Variants in CD244 observed in about 807,000 individuals in gnomAD.
CD244 encodes the protein natural killer cell receptor 2B4.
Under a neutral mutation model 45.5 loss-of-function variants are expected in CD244, and 20 were observed. The ratio of observed to expected loss-of-function variants is 0.44; its 90% CI spans 0.31 to 0.64. The LOEUF (loss-of-function observed/expected upper bound fraction) is 0.64. Among genes scored for constraint, CD244 ranks in the 30% least tolerant of loss-of-function variants. The pLI is 0.08. For synonymous variants in CD244, 185 were observed against 160.5 expected (o/e 1.15, Z -1.15); for missense variants, 407 against 426.9 (o/e 0.95, Z 0.41).
At chr1:160,846,078 T>C (rs1350944249) in intron 1 of CD244, among the ~76,000 whole-genome samples, 3 of 151,586 alleles carry the variant, frequency 2.0e-5, no homozygotes. Context: ...TTTCCATAGG[T>C]TATTGGGGTA....
intron 1 of CD244, among the ~76,000 whole-genome samples, chr1:160,848,986 A>G (rs1485292355): frequency 1.3e-5 from 2 of 152,198 alleles, no homozygotes; most frequent in African/African-American, 4.8e-5. Context: ...GAAGTTCTGG[A>G]GGCCCAGACT....
chr1:160,841,073 C>T (rs1047312010), intron 3 of CD244, 137 bp downstream of exon 3: 3 of 801,598 alleles, frequency 3.7e-6, no homozygotes, highest in Non-Finnish European at 4.0e-6. Flanking sequence ...GAGGCCAGGG[C>T]TACCCTGGGA....
rs755005955 is a variant in CD244 at position 160,836,211 on chromosome 1, G to T, written c.878C>A (p.Ser293Tyr). The change falls in exon 6 of 9, where the codon TCT (serine) becomes TAT (tyrosine). Residue 293 changes from serine (S) to tyrosine (Y), a missense_variant. Physicochemically the swap from Ser to Tyr is moderately radical, Grantham distance 144. Transcript: ENST00000368034. ...GAGAGGTACCTGGGACTGGATCATA[G>T]AGTAGATGGTGCTCCCCCCTCCAGG... ...TFPGGGSTIY[S>Y]MIQSQSSAPT... 1 of 1,613,786 alleles carries T rather than the reference G, an allele frequency of 6.2e-7. No individual in the cohort carries two copies. The highest frequency in any genetic ancestry group is 2.2e-5 in the East Asian group (1 of 44,882).
chr1:160,859,256 A>C (rs1224549244), intron 1 of CD244, among the ~76,000 whole-genome samples: 1 of 152,184 alleles, frequency 6.6e-6, no homozygotes, highest in Non-Finnish European at 1.5e-5. Flanking sequence ...CAGGACCAGC[A>C]GGCAACATGG....
chr1:160,849,283 C>CTTTTTTTTTTTTTTTTTTTTTTT (rs371170555), intron 1 of CD244, among the ~76,000 whole-genome samples: 3 of 139,326 alleles, frequency 2.2e-5, no homozygotes. Flanking sequence ...CCATCTCTTT[C>CTTTTTTTTTTTTTTTTTTTTTTT]TTTTTTTTTT....
chr1:160,848,012 G>A (rs765409746), intron 1 of CD244: 6 of 279,544 alleles, frequency 2.1e-5, no homozygotes, highest in Non-Finnish European at 4.2e-5. Flanking sequence ...ATCAACCGTA[G>A]TCAACCCCAC....
At chr1:160,852,739 TG>T (rs1257721944) in intron 1 of CD244, among the ~76,000 whole-genome samples, 3 of 151,132 alleles carry the variant, frequency 2.0e-5, no homozygotes, top group African/African-American at 7.3e-5. Context: ...CAAGAAAATC[TG>T]GGCCAGGCAT....
At chr1:160,839,543 T>C (rs746763686) in intron 3 of CD244, among the ~76,000 whole-genome samples, 2 of 152,256 alleles carry the variant, frequency 1.3e-5, no homozygotes, top group Non-Finnish European at 2.9e-5. Context: ...TTCCTTGTCA[T>C]TATTCCCTAA....
intron 1 of CD244, among the ~76,000 whole-genome samples, chr1:160,857,480 T>C (rs1670151971): frequency 6.6e-6 from 1 of 152,200 alleles, no homozygotes; most frequent in African/African-American, 2.4e-5. Flanking sequence ...CTACAAATAA[T>C]AACATACATA....
At chr1:160,835,702 T>C (rs565738325) in intron 6 of CD244, among the ~76,000 whole-genome samples, 2 of 151,648 alleles carry the variant, frequency 1.3e-5, no homozygotes, top group Non-Finnish European at 2.9e-5. Flanking sequence ...CCTATGGAAA[T>C]AAAAAATAAA....
intron 5 of CD244, among the ~76,000 whole-genome samples, chr1:160,837,201 G>A (rs1032668533): frequency 4.6e-5 from 7 of 152,172 alleles, no homozygotes; most frequent in African/African-American, 1.4e-4. Context: ...CTCTTGAGTC[G>A]GAAGAAGTAA....
rs139495222 is a variant in CD244, at chr1:160,844,773, G to A, written c.62-2872C>T. On this transcript the variant is annotated intron_variant, in intron 1 of 8. Coordinates refer to ENST00000368034, the MANE Select transcript of CD244 (RefSeq NM_016382.4). Reference sequence around the variant, plus strand: ...GCAGATCACTCAAGGTCGGGAGTTCGAGACCACCCTGGCCAACATGGTAAA... The same window carrying A: ...GCAGATCACTCAAGGTCGGGAGTTCAAGACCACCCTGGCCAACATGGTAAA... 9.8e-3 allele frequency among the ~76,000 whole-genome samples: 1,485 copies of A among 152,186 alleles called. 16 individuals are homozygous for A. The highest frequency in any genetic ancestry group is 0.015 in the Non-Finnish European group (1,042 of 68,002).
intron 7 of CD244, 189 bp from the exon 8 acceptor site, chr1:160,832,764 A>G (rs942069840): frequency 2.5e-6 from 3 of 1,216,638 alleles, no homozygotes; most frequent in Non-Finnish European, 3.4e-6. Flanking sequence ...GGAAGACACA[A>G]TATATACAGT....
chr1:160,858,304 TC>T (rs1670181382), intron 1 of CD244, among the ~76,000 whole-genome samples: 1 of 152,094 alleles, frequency 6.6e-6, no homozygotes, highest in Non-Finnish European at 1.5e-5. Flanking sequence ...GCCAAAGCAG[TC>T]GCAGTTAGAC....
chr1:160,862,142 C>A (rs2101900710), intron 1 of CD244, among the ~76,000 whole-genome samples: 1 of 152,330 alleles, frequency 6.6e-6, no homozygotes, highest in East Asian at 1.9e-4. Context: ...AGGGACCATG[C>A]CTTCCAGCTT....
chr1:160,853,848 G>A (rs73023911), intron 1 of CD244, among the ~76,000 whole-genome samples: 1 of 149,498 alleles, frequency 6.7e-6, no homozygotes, highest in African/African-American at 2.5e-5. Context: ...CAACTGAAAT[G>A]CAATATGGAA....
intron 1 of CD244, among the ~76,000 whole-genome samples, chr1:160,860,582 G>C (rs545289731): frequency 1.3e-5 from 2 of 152,262 alleles, no homozygotes; most frequent in Admixed American, 1.3e-4. Context: ...TTGTTCATAG[G>C]ATATAAGTGC....
chr1:160,832,887 T>TATATATAC (rs1157419927), intron 7 of CD244, among the ~76,000 whole-genome samples: 5 of 143,110 alleles, frequency 3.5e-5, no homozygotes, highest in African/African-American at 1.4e-4. Context: ...TATATATATA[T>TATATATAC]ACACACACAC....
chr1:160,835,878 AAGC>A (rs1410470389), intron 6 of CD244, among the ~76,000 whole-genome samples: 2 of 152,214 alleles, frequency 1.3e-5, no homozygotes, highest in African/African-American at 4.8e-5. Context: ...CAAGTATTAG[AAGC>A]AGCAGCAGGG....
Sources: gnomAD v4.1 joint callset for allele counts (sites outside exome capture counted in the v4.1 genomes callset) on GRCh38, gnomAD v4.1.1 for gene constraint, MANE v1.5 for transcripts, NCBI Gene and HGNC (gene_info 2026-07-23, HGNC 2026-07-21) for gene names.